Variants in DGLUCY observed in about 807,000 individuals in gnomAD.
The protein encoded by DGLUCY is D-glutamate cyclase.
Under a neutral mutation model 58.5 loss-of-function variants are expected in DGLUCY, and 58 were observed. That is an observed-to-expected ratio of 0.99 (90% CI 0.80 to 1.23). DGLUCY has a LOEUF of 1.23. DGLUCY is among the 50% of genes most tolerant of loss of function. DGLUCY has a pLI of 0.00. For missense variants in DGLUCY, 779 were observed against 784.7 expected (o/e 0.99, Z 0.09); for synonymous variants, 325 against 314.1 (o/e 1.03, Z -0.37).
At chr14:91,144,027 T>G (rs2046881900) in intron 1 of DGLUCY, among the ~76,000 whole-genome samples, 1 of 152,002 alleles carries the variant, frequency 6.6e-6, no homozygotes, top group Non-Finnish European at 1.5e-5. Context: ...CCTCTTCCAA[T>G]CCAAACAGGC....
At chr14:91,072,949 C>G (rs971404228) in intron 1 of DGLUCY, among the ~76,000 whole-genome samples, 18 of 151,790 alleles carry the variant, frequency 1.2e-4, no homozygotes, top group African/African-American at 4.4e-4. Context: ...GCAGAGCTTG[C>G]AGTGAGCCAA....
intron 1 of DGLUCY, among the ~76,000 whole-genome samples, chr14:91,102,017 G>C (rs2044495155): frequency 7.8e-6 from 1 of 127,640 alleles, no homozygotes. Context: ...AAAAGAGCCA[G>C]AAGAGAATAA....
chr14:91,219,556 C>T (rs1416892920), intron 13 of DGLUCY, among the ~76,000 whole-genome samples: 2 of 152,342 alleles, frequency 1.3e-5, no homozygotes, highest in Non-Finnish European at 2.9e-5. Context: ...CACAGCTCTG[C>T]TCAGTGAGTT....
chr14:91,144,251 A>C (rs2046894463), intron 1 of DGLUCY, among the ~76,000 whole-genome samples: 3 of 152,210 alleles, frequency 2.0e-5, no homozygotes, highest in Admixed American at 6.5e-5. Flanking sequence ...ACAAACATTT[A>C]TCAGGTAACT....
intron 1 of DGLUCY, among the ~76,000 whole-genome samples, chr14:91,095,693 G>A (rs1051450908): frequency 6.6e-6 from 1 of 152,162 alleles, no homozygotes; most frequent in Non-Finnish European, 1.5e-5. Context: ...AGAGAAAGAT[G>A]GAGTGGAAGA....
chr14:91,124,276 G>A (rs118103651), intron 1 of DGLUCY, among the ~76,000 whole-genome samples: 1,637 of 152,288 alleles, frequency 0.011, 18 homozygotes, highest in Middle Eastern at 0.027. Flanking sequence ...GAGTGAAGCA[G>A]CTGCTCCTCA....
chr14:91,223,602 G>A (rs1447547225), intron 13 of DGLUCY: 26 of 1,181,486 alleles, frequency 2.2e-5, no homozygotes, highest in Non-Finnish European at 2.9e-5. Flanking sequence ...TTGGGCAAGT[G>A]GTGCTTTGGG....
intron 9 of DGLUCY, among the ~76,000 whole-genome samples, chr14:91,195,662 TG>T: frequency 6.7e-6 from 1 of 148,898 alleles, no homozygotes; most frequent in African/African-American, 2.5e-5. Context: ...GATGGTTTTT[TG>T]GGTTTTGTTT....
At chr14:91,129,057 C>T (rs2045885048) in intron 1 of DGLUCY, 1 of 152,204 alleles carries the variant, frequency 6.6e-6, no homozygotes, top group African/African-American at 2.4e-5. Context: ...GGTCAGAAGC[C>T]TGACAATCCG....
At chr14:91,156,985 A>C (rs1401289839) in intron 1 of DGLUCY, among the ~76,000 whole-genome samples, 3 of 152,204 alleles carry the variant, frequency 2.0e-5, no homozygotes, top group Non-Finnish European at 4.4e-5. Flanking sequence ...GTGATTCCTA[A>C]CACCACAAAA....
intron 1 of DGLUCY, among the ~76,000 whole-genome samples, chr14:91,153,336 C>G (rs959213979): frequency 6.6e-5 from 10 of 152,188 alleles, no homozygotes; most frequent in African/African-American, 2.4e-4. Flanking sequence ...ACATGCGCCA[C>G]CACACCTGGC....
At chr14:91,111,078 T>C (rs976227029), upstream of DGLUCY, among the ~76,000 whole-genome samples, 39 of 152,076 alleles carry the variant, frequency 2.6e-4, no homozygotes, top group African/African-American at 8.2e-4. Context: ...AAAATACCAT[T>C]AATAGGGTGG....
chr14:91,182,323 G>C (rs192339788), intron 8 of DGLUCY, among the ~76,000 whole-genome samples: 303 of 152,006 alleles, frequency 2.0e-3, no homozygotes, highest in African/African-American at 7.1e-3. Context: ...AACACTAAAC[G>C]TGAGGAAGTT....
At chr14:91,142,030 G>C (rs2046723149) in intron 1 of DGLUCY, among the ~76,000 whole-genome samples, 1 of 151,934 alleles carries the variant, frequency 6.6e-6, no homozygotes, top group Admixed American at 6.6e-5. Context: ...ATTCTTAGTA[G>C]AGACGAGGTT....
intron 3 of DGLUCY, among the ~76,000 whole-genome samples, chr14:91,164,198 C>T (rs545838958): frequency 6.6e-6 from 1 of 152,244 alleles, no homozygotes; most frequent in Non-Finnish European, 1.5e-5. Flanking sequence ...GATCTGCCAA[C>T]CTCGGCCTCC....
intron 1 of DGLUCY, among the ~76,000 whole-genome samples, chr14:91,071,989 A>G (rs183345353): frequency 6.6e-6 from 1 of 152,204 alleles, no homozygotes; most frequent in African/African-American, 2.4e-5. Context: ...AAGCATGTAA[A>G]TTTACTCATC....
intron 1 of DGLUCY, chr14:91,128,632 C>CT (rs932022123): frequency 1.3e-5 from 2 of 152,050 alleles, no homozygotes; most frequent in African/African-American, 4.8e-5. Flanking sequence ...TCTCACCCCC[C>CT]CTTTGTCCCC....
At position 91,174,725 on chromosome 14, in the gene DGLUCY, T is replaced by C. The variant is rs143942230; in HGVS notation, c.608-1209T>C. The stretch of plus-strand genomic sequence containing the variant: ...GGGTATAATCAAACCCAAAGAGGGT[T>C]AATCAAACTGGAAGCCAGTTGGTCA... On this transcript the variant is annotated intron_variant, in intron 6 of 13. Transcript: ENST00000256324. 3.2e-3 allele frequency among the ~76,000 whole-genome samples: 487 copies of C among 152,270 alleles called. 2 individuals carry two copies. Among genetic ancestry groups the C allele is most frequent in the Non-Finnish European group, 3.8e-3 (261 of 68,028 alleles).
intron 12 of DGLUCY, among the ~76,000 whole-genome samples, chr14:91,210,669 C>T (rs1013310028): frequency 1.3e-5 from 2 of 152,130 alleles, no homozygotes; most frequent in South Asian, 4.1e-4. Flanking sequence ...AAGCAACACC[C>T]ATTCATGATA....
Sources: allele counts gnomAD v4.1 joint callset (sites outside exome capture counted in the v4.1 genomes callset), GRCh38; gene constraint gnomAD v4.1.1; transcripts MANE v1.5; gene names NCBI Gene and HGNC (gene_info 2026-07-23, HGNC 2026-07-21).